PRRX1: variants seen among roughly 807,000 people sequenced by gnomAD.
PRRX1 encodes paired mesoderm homeobox protein 1.
In PRRX1, 8 loss-of-function variants were observed where a neutral mutation model predicts 24.0. The ratio of observed to expected loss-of-function variants is 0.33; its 90% confidence interval spans 0.20 to 0.60. PRRX1 has a LOEUF of 0.60. Ranked by LOEUF, PRRX1 falls within the 20% of genes least tolerant of loss-of-function variation. The probability of loss-of-function intolerance (pLI) is 0.82; values close to 1 mark genes in which losing one functional copy is unlikely to be tolerated. For missense variants in PRRX1, 281 were observed against 322.4 expected, an observed-to-expected ratio of 0.87 and a Z score of 0.98; for synonymous variants, 160 against 131.7, an observed-to-expected ratio of 1.22 and a Z score of -1.47.
chr1:170,663,984 G>A (rs1326819695), upstream of PRRX1: 31 of 517,550 alleles, frequency 6.0e-5, no homozygotes, highest in Non-Finnish European at 8.5e-5. Flanking sequence ...CCAATGCTGC[G>A]GAAGGCGGCT....
At chr1:170,677,222 G>T (rs1653351827) in intron 1 of PRRX1, among the ~76,000 whole-genome samples, 1 of 152,156 alleles carries the variant, frequency 6.6e-6, no homozygotes, top group African/African-American at 2.4e-5. Context: ...ATTAATACTT[G>T]CCAACTGATT....
chr1:170,697,041 G>A (rs1382108198), intron 1 of PRRX1, among the ~76,000 whole-genome samples: 3 of 152,130 alleles, frequency 2.0e-5, no homozygotes, highest in African/African-American at 7.2e-5. Context: ...CAAACGTGAA[G>A]GAACATTCTC....
intron 1 of PRRX1, among the ~76,000 whole-genome samples, chr1:170,698,643 T>C (rs1209731670): frequency 1.3e-5 from 2 of 152,212 alleles, no homozygotes; most frequent in Non-Finnish European, 2.9e-5. Flanking sequence ...ATCTATCTAG[T>C]AATTTCCATT....
chr1:170,694,502 C>T (rs1438295927), intron 1 of PRRX1, among the ~76,000 whole-genome samples: 1 of 152,094 alleles, frequency 6.6e-6, no homozygotes, highest in Non-Finnish European at 1.5e-5. Flanking sequence ...GGCATATTCC[C>T]TATATAATTG....
intron 3 of PRRX1, 139 bp downstream of exon 3, chr1:170,726,540 C>T: frequency 9.6e-7 from 1 of 1,046,790 alleles, no homozygotes; most frequent in Non-Finnish European, 1.4e-6. Flanking sequence ...GCTGACATCC[C>T]CACATTTTCC....
chr1:170,731,555 C>T (rs560957989), intron 3 of PRRX1, among the ~76,000 whole-genome samples: 10 of 152,288 alleles, frequency 6.6e-5, no homozygotes, highest in African/African-American at 1.7e-4. Flanking sequence ...GTTGTCCATA[C>T]GTTTCCTGGC....
chr1:170,705,272 A>G (rs779573410), intron 1 of PRRX1, among the ~76,000 whole-genome samples: 1 of 152,078 alleles, frequency 6.6e-6, no homozygotes, highest in Non-Finnish European at 1.5e-5. Flanking sequence ...TGGTTTATTT[A>G]AATTTTAGAC....
At chr1:170,662,996 A>G (rs1442614161), upstream of PRRX1, 3 of 152,016 alleles carry the variant, frequency 2.0e-5, no homozygotes, top group East Asian at 5.8e-4. Flanking sequence ...TTAGAAATCC[A>G]AAGGGGCTCT....
chr1:170,714,393 G>A (rs1326109399), intron 1 of PRRX1, among the ~76,000 whole-genome samples: 2 of 152,134 alleles, frequency 1.3e-5, no homozygotes, highest in Admixed American at 1.3e-4. Flanking sequence ...CTTTAGATCC[G>A]CTTGCCTGCC....
intron 1 of PRRX1, among the ~76,000 whole-genome samples, chr1:170,684,617 G>T (rs1320997716): frequency 2.0e-5 from 3 of 152,118 alleles, no homozygotes; most frequent in African/African-American, 7.2e-5. Context: ...GCTGGGTGTG[G>T]TGGTACACGC....
At chr1:170,679,522 C>T (rs1312681611) in intron 1 of PRRX1, among the ~76,000 whole-genome samples, 1 of 152,146 alleles carries the variant, frequency 6.6e-6, no homozygotes, top group African/African-American at 2.4e-5. Context: ...GCCTTAGCCT[C>T]CCTAGTAGCT....
chr1:170,726,297 C>G lies in PRRX1; in HGVS notation c.495C>G (p.Leu165=), dbSNP rs766154372. 1 of 1,614,052 alleles carries G rather than the reference C, an allele frequency of 6.2e-7. No individual in the cohort carries two copies. The highest frequency in any genetic ancestry group is 8.5e-7 in the Non-Finnish European group (1 of 1,179,924). ...TAGCCAATAAAAACGCTTCCCTCCTCAAATCCTACTCAGGAGACGTGACTG... is the reference window on the plus strand; with the variant it reads ...TAGCCAATAAAAACGCTTCCCTCCTGAAATCCTACTCAGGAGACGTGACTG... The part of the protein sequence containing the change: ...AMLANKNASL[L]KSYSGDVTAV... Residue 165 remains leucine, a synonymous_variant, in exon 3 of 4, where the codon CTC becomes CTG. Transcript: ENST00000239461.
intron 1 of PRRX1, among the ~76,000 whole-genome samples, chr1:170,689,841 T>TCC (rs1293272961): frequency 2.3e-3 from 127 of 55,350 alleles, no homozygotes; most frequent in African/African-American, 9.4e-3. Context: ...TCTCTCTCCC[T>TCC]CTCTCTCTCT....
chr1:170,728,347 T>G (rs1189316353), intron 3 of PRRX1: 1 of 152,218 alleles, frequency 6.6e-6, no homozygotes, highest in African/African-American at 2.4e-5. Context: ...TTGGAAATAT[T>G]CTATTTTAAT....
chr1:170,687,746 G>T (rs759227616), intron 1 of PRRX1, among the ~76,000 whole-genome samples: 1 of 152,086 alleles, frequency 6.6e-6, no homozygotes, highest in African/African-American at 2.4e-5. Flanking sequence ...TGTGGAGTCC[G>T]TTATCACTCA....
In PRRX1 at chr1:170,690,133, T is replaced by G. The variant is rs144420779; in HGVS notation, c.241+25674T>G. ...TCCTTACTCCTCCCCTCCCCCCCCA[T>G]TTTTTCAACATTTACTGAGCACCTA... On this transcript the variant is annotated intron_variant, in intron 1 of 3. Coordinates refer to ENST00000239461, the MANE Select transcript of PRRX1 (RefSeq NM_022716.4). Among the ~76,000 whole-genome samples, 1,169 of 149,730 alleles carry G rather than the reference T, an allele frequency of 7.8e-3. 16 individuals carry two copies. The highest frequency in any genetic ancestry group is 0.027 in the African/African-American group (1,108 of 41,084).
intron 3 of PRRX1, 76 bp from the exon 4 acceptor site, chr1:170,735,972 C>G: frequency 1.3e-6 from 2 of 1,584,788 alleles, no homozygotes; most frequent in Non-Finnish European, 1.7e-6. Context: ...GAGAGTACAT[C>G]CATCTGGGGC....
chr1:170,719,768 G>T lies in PRRX1; in HGVS notation c.284G>T (p.Arg95Leu). 6.2e-7 allele frequency: 1 copy of T among 1,614,198 alleles called. No individual in the cohort carries two copies. The highest frequency in any genetic ancestry group is 8.5e-7 in the Non-Finnish European group (1 of 1,180,042). The stretch of plus-strand genomic sequence containing the variant: ...GAAGAAAAAAAGAAGAGAAAGCAGC[G>T]AAGGAATAGGACAACCTTCAATAGC... ...NSEEKKKRKQ[R>L]RNRTTFNSSQ... The change falls in exon 2 of 4, where the codon CGA becomes CTA. Residue 95 changes from arginine to leucine, a missense_variant. Arg to Leu is a moderately radical substitution (Grantham distance 102, BLOSUM62 -2). Transcript: ENST00000239461.
intron 1 of PRRX1, among the ~76,000 whole-genome samples, chr1:170,695,869 C>T (rs1012554757): frequency 3.3e-5 from 5 of 151,688 alleles, no homozygotes; most frequent in Non-Finnish European, 7.4e-5. Context: ...TCTCTGAGAC[C>T]TTTGATGGAA....
Sources: gnomAD v4.1 joint callset for allele counts (sites outside exome capture counted in the v4.1 genomes callset) on GRCh38, gnomAD v4.1.1 for gene constraint, MANE v1.5 for transcripts, NCBI Gene and HGNC (gene_info 2026-07-23, HGNC 2026-07-21) for gene names.